Variants in SYN3 observed in about 807,000 individuals in gnomAD.
SYN3 encodes the protein synapsin-3.
In SYN3, 35 loss-of-function variants were observed where a neutral mutation model predicts 65.8. That is an observed-to-expected ratio of 0.53 (90% CI 0.41 to 0.70). The LOEUF is 0.70. Ranked by LOEUF, SYN3 falls within the 30% of genes least tolerant of loss-of-function variation. SYN3 has a pLI of 0.00. For synonymous variants in SYN3, 270 were observed against 292.9 expected (o/e 0.92, Z 0.80); for missense variants, 680 against 749.0 (o/e 0.91, Z 1.08).
chr22:32,533,677 G>C (rs192791884), intron 10 of SYN3, 116 bp downstream of exon 10: 1 of 661,968 alleles, frequency 1.5e-6, no homozygotes. Flanking sequence ...CCTGGGTTGC[G>C]TGTGCCCTGG....
At chr22:32,808,007 A>G (rs1480334197) in intron 6 of SYN3, among the ~76,000 whole-genome samples, 3 of 152,002 alleles carry the variant, frequency 2.0e-5, no homozygotes, top group South Asian at 4.2e-4. Flanking sequence ...TTTGAAAGGG[A>G]GCAAAATTAG....
intron 6 of SYN3, among the ~76,000 whole-genome samples, chr22:32,606,587 C>A (rs994850988): frequency 6.6e-6 from 1 of 152,092 alleles, no homozygotes; most frequent in African/African-American, 2.4e-5. Context: ...GCTTACGGGG[C>A]TCTGTGTGGT....
intron 6 of SYN3, among the ~76,000 whole-genome samples, chr22:32,605,004 TC>T (rs2059351230): frequency 2.1e-5 from 2 of 93,384 alleles, no homozygotes; most frequent in African/African-American, 7.8e-5. Context: ...AGACTCCATC[TC>T]AGAAAAAAAA....
At chr22:32,862,630 A>G (rs2048577688) in intron 6 of SYN3, 1 of 152,254 alleles carries the variant, frequency 6.6e-6, no homozygotes, top group Admixed American at 6.5e-5. Context: ...AGAGACAAAC[A>G]TTATAAAAAT....
intron 7 of SYN3, among the ~76,000 whole-genome samples, chr22:32,571,738 C>T (rs985581020): frequency 6.6e-6 from 1 of 152,180 alleles, no homozygotes; most frequent in Non-Finnish European, 1.5e-5. Context: ...TTCCTAAGAA[C>T]AGCAACTGCA....
At chr22:32,611,179 C>G (rs2059437102) in intron 6 of SYN3, among the ~76,000 whole-genome samples, 1 of 151,786 alleles carries the variant, frequency 6.6e-6, no homozygotes, top group African/African-American at 2.4e-5. Flanking sequence ...TGAACCAACA[C>G]TAGCTTGCAG....
At chr22:33,007,943 T>C (rs2053240119) in intron 1 of SYN3, among the ~76,000 whole-genome samples, 1 of 150,478 alleles carries the variant, frequency 6.6e-6, no homozygotes, top group Non-Finnish European at 1.5e-5. Context: ...ATATACAATT[T>C]TTTTTTTTTT....
chr22:33,042,711 C>T (rs936608587), intron 1 of SYN3, among the ~76,000 whole-genome samples: 4 of 152,252 alleles, frequency 2.6e-5, no homozygotes, highest in East Asian at 1.9e-4. Context: ...AGGAGAAATC[C>T]GACGATCCTG....
intron 7 of SYN3, among the ~76,000 whole-genome samples, chr22:32,560,502 C>G (rs576970681): frequency 2.0e-5 from 3 of 152,270 alleles, no homozygotes; most frequent in Admixed American, 6.5e-5. Flanking sequence ...AGTGCAGAAA[C>G]AAGTCACAGG....
At chr22:32,602,188 C>T (rs561498973) in intron 6 of SYN3, among the ~76,000 whole-genome samples, 1 of 152,172 alleles carries the variant, frequency 6.6e-6, no homozygotes, top group South Asian at 2.1e-4. Context: ...CTTATTTTTG[C>T]TACAGATGTT....
intron 4 of SYN3, among the ~76,000 whole-genome samples, chr22:32,925,105 AG>A (rs1486950990): frequency 6.6e-6 from 1 of 152,024 alleles, no homozygotes; most frequent in Non-Finnish European, 1.5e-5. Context: ...GAAAAAAAAA[AG>A]CTATTGGCAG....
intron 6 of SYN3, among the ~76,000 whole-genome samples, chr22:32,737,865 T>C (rs113878951): frequency 0.011 from 1,671 of 152,274 alleles, 17 homozygotes; most frequent in Middle Eastern, 0.024. Flanking sequence ...AGAGCTGATG[T>C]GCCTCCTCCA....
intron 12 of SYN3, chr22:32,527,684 C>G (rs2058002235): frequency 4.6e-6 from 2 of 439,206 alleles, no homozygotes; most frequent in Non-Finnish European, 8.0e-6. Context: ...GTGGGACATT[C>G]CCTGGCACAG....
chr22:32,600,763 C>T (rs1204562728), intron 6 of SYN3, among the ~76,000 whole-genome samples: 1 of 152,062 alleles, frequency 6.6e-6, no homozygotes, highest in Non-Finnish European at 1.5e-5. Flanking sequence ...TCTCGGCTCA[C>T]TGCAACCTCT....
At position 32,738,866 on chromosome 22, in the gene SYN3, G is replaced by T. The variant is rs73156444; in HGVS notation, c.711+126049C>A. On this transcript the variant is annotated intron_variant, in intron 6 of 13. Coordinates refer to ENST00000358763, the MANE Select transcript of SYN3 (RefSeq NM_003490.4). ...TGAGGGAGGCCCTCCTGGACCAGCA[G>T]AGTCTGGGACCTCCCAGGTGAGTGG... Among the ~76,000 whole-genome samples the T allele has an allele frequency of 6.1e-3, 925 of 152,370 alleles. 9 individuals carry two copies. Among genetic ancestry groups the T allele is most frequent in the Middle Eastern group, 0.014 (4 of 294 alleles).
intron 7 of SYN3, among the ~76,000 whole-genome samples, chr22:32,590,441 C>A (rs893877021): frequency 6.6e-6 from 1 of 152,064 alleles, no homozygotes; most frequent in Non-Finnish European, 1.5e-5. Flanking sequence ...ATTGATTTAT[C>A]TATTCTATTA....
intron 6 of SYN3, among the ~76,000 whole-genome samples, chr22:32,757,966 T>C (rs1419061539): frequency 1.3e-5 from 2 of 152,248 alleles, no homozygotes; most frequent in African/African-American, 4.8e-5. Flanking sequence ...TATGACCATG[T>C]GACCAGCTGC....
intron 6 of SYN3, among the ~76,000 whole-genome samples, chr22:32,649,188 G>A (rs1023502713): frequency 2.6e-5 from 4 of 152,196 alleles, no homozygotes; most frequent in Admixed American, 2.0e-4. Flanking sequence ...ACAAACAGTG[G>A]CTTAAAATGT....
chr22:32,946,310 A>G (rs1339977837), intron 3 of SYN3, among the ~76,000 whole-genome samples: 1 of 152,218 alleles, frequency 6.6e-6, no homozygotes. Flanking sequence ...CATCAATGAT[A>G]GACTGGATTA....
Sources: allele counts gnomAD v4.1 joint callset (sites outside exome capture counted in the v4.1 genomes callset), GRCh38; gene constraint gnomAD v4.1.1; transcripts MANE v1.5; gene names NCBI Gene and HGNC (gene_info 2026-07-23, HGNC 2026-07-21).